The following CSMD1 variants were observed in gnomAD, a reference collection of about 807,000 sequenced individuals.
CSMD1 encodes the protein CUB and Sushi multiple domains 1.
CSMD1 carries 213 observed loss-of-function variants against 417.5 expected under a neutral mutation model. That is an observed-to-expected ratio of 0.51 (90% CI 0.46 to 0.57). CSMD1 has a LOEUF of 0.57. Ranked by LOEUF, CSMD1 falls within the 20% of genes least tolerant of loss-of-function variation. The pLI is 0.00. For synonymous variants in CSMD1, 2,862 were observed against 1,736.8 expected (o/e 1.65, Z -16.11); for missense variants, 6,923 against 4,529.7 (o/e 1.53, Z -15.17).
chr8:3,097,039 TG>T lies in CSMD1; in HGVS notation c.6950-3del, dbSNP rs755283973. The T allele has an allele frequency of 6.6e-7, 1 of 1,522,794 alleles. No homozygotes were observed. The highest frequency in any genetic ancestry group is 1.3e-5 in the South Asian group (1 of 79,434). The allele number at this position is 1,522,794 out of a possible 1,614,324, so 94.3% of individuals were successfully genotyped here. Reference sequence around the variant, plus strand: ...GGACTTCATTTGCTGGGCATTGTGCTGGAGAGAAAAGTACCAGCAAAAGTTT... The same window carrying T: ...GGACTTCATTTGCTGGGCATTGTGCTGAGAGAAAAGTACCAGCAAAAGTTT... On this transcript the variant is annotated splice_region_variant and splice_polypyrimidine_tract_variant and intron_variant, in intron 46 of 69. Transcript: ENST00000635120.
intron 1 of CSMD1, among the ~76,000 whole-genome samples, chr8:4,941,344 G>C (rs1430047536): frequency 6.6e-6 from 1 of 152,014 alleles, no homozygotes; most frequent in Non-Finnish European, 1.5e-5. Context: ...TAAATGTTTT[G>C]AGTACTAAAA....
chr8:3,936,340 C>T (rs1810491869), intron 5 of CSMD1, among the ~76,000 whole-genome samples: 1 of 152,104 alleles, frequency 6.6e-6, no homozygotes, highest in African/African-American at 2.4e-5. Context: ...ACAAAGCAGC[C>T]TTGTATTAGA....
chr8:4,221,888 A>C (rs1417408343), intron 3 of CSMD1, among the ~76,000 whole-genome samples: 1 of 152,202 alleles, frequency 6.6e-6, no homozygotes. Context: ...TTAGCAGAGG[A>C]AATTCACCAG....
At chr8:4,746,319 A>G (rs1810948205) in intron 1 of CSMD1, among the ~76,000 whole-genome samples, 1 of 152,214 alleles carries the variant, frequency 6.6e-6, no homozygotes. Flanking sequence ...CACTCAGAAT[A>G]GCGACTGTAG....
chr8:4,418,263 T>C (rs1004217085), intron 3 of CSMD1, among the ~76,000 whole-genome samples: 4 of 152,156 alleles, frequency 2.6e-5, no homozygotes, highest in Non-Finnish European at 5.9e-5. Flanking sequence ...TTACTCAACT[T>C]ATGGCCCTAT....
In CSMD1 at chr8:3,299,409, G is replaced by A. The variant is rs190147986; in HGVS notation, c.3950+8286C>T. Among the ~76,000 whole-genome samples, 216 of 152,172 alleles carry A rather than the reference G, an allele frequency of 1.4e-3. 1 individual carries two copies. The highest frequency in any genetic ancestry group is 4.5e-3 in the African/African-American group (185 of 41,538). ...GGAGGTTGCAGTGAGCCAAGATCAC[G>A]CTATTGCACTCCAGCCTGGGGGACA... On this transcript the variant is annotated intron_variant, in intron 25 of 69. Coordinates refer to ENST00000635120, the MANE Select transcript of CSMD1 (RefSeq NM_033225.6).
At chr8:3,007,446 A>G (rs1279343553) in intron 52 of CSMD1, among the ~76,000 whole-genome samples, 2 of 151,278 alleles carry the variant, frequency 1.3e-5, no homozygotes, top group African/African-American at 4.9e-5. Flanking sequence ...ACTATAAATC[A>G]TGCTGCTATA....
At chr8:3,937,937 T>C (rs950688401) in intron 5 of CSMD1, among the ~76,000 whole-genome samples, 3 of 152,270 alleles carry the variant, frequency 2.0e-5, no homozygotes, top group Non-Finnish European at 4.4e-5. Context: ...AGTTCTAATG[T>C]TTAGTTACAT....
At chr8:3,003,167 A>T (rs1281303253) in intron 52 of CSMD1, among the ~76,000 whole-genome samples, 1 of 152,214 alleles carries the variant, frequency 6.6e-6, no homozygotes, top group Non-Finnish European at 1.5e-5. Flanking sequence ...CACTCACAGA[A>T]TACTCTTTAA....
At chr8:4,222,770 C>T (rs1187479330) in intron 3 of CSMD1, among the ~76,000 whole-genome samples, 1 of 152,066 alleles carries the variant, frequency 6.6e-6, no homozygotes, top group South Asian at 2.1e-4. Flanking sequence ...TATAGTTTAG[C>T]TCACCGAGTC....
At chr8:3,933,505 G>C (rs796861229) in intron 5 of CSMD1, among the ~76,000 whole-genome samples, 9 of 152,212 alleles carry the variant, frequency 5.9e-5, no homozygotes, top group African/African-American at 2.2e-4. Context: ...TTCTTTAACA[G>C]AGAAGACCAC....
chr8:3,786,335 G>A (rs921465569), intron 5 of CSMD1, among the ~76,000 whole-genome samples: 1 of 152,154 alleles, frequency 6.6e-6, no homozygotes, highest in Non-Finnish European at 1.5e-5. Flanking sequence ...TGGATGGAGG[G>A]TCACTGAGAC....
chr8:4,741,032 A>G (rs992547205), intron 1 of CSMD1, among the ~76,000 whole-genome samples: 1 of 152,224 alleles, frequency 6.6e-6, no homozygotes, highest in African/African-American at 2.4e-5. Context: ...AAGTCCTAGT[A>G]ATTGCTTTAA....
intron 2 of CSMD1, among the ~76,000 whole-genome samples, chr8:4,454,624 C>G (rs567474055): frequency 1.2e-4 from 18 of 152,316 alleles, no homozygotes; most frequent in African/African-American, 4.1e-4. Context: ...CAGAAGGAAG[C>G]TGATAAAGAG....
intron 3 of CSMD1, among the ~76,000 whole-genome samples, chr8:4,216,329 G>T (rs889034760): frequency 1.2e-4 from 18 of 152,078 alleles, no homozygotes; most frequent in Admixed American, 6.6e-5. Context: ...TAACTGCAGG[G>T]ATGCTTTCAG....
intron 3 of CSMD1, among the ~76,000 whole-genome samples, chr8:4,248,345 C>T (rs903654909): frequency 6.6e-6 from 1 of 152,144 alleles, no homozygotes; most frequent in Non-Finnish European, 1.5e-5. Context: ...CCCAGCCAAA[C>T]ACGCTTTTAC....
chr8:4,296,505 A>C (rs1797692424), intron 3 of CSMD1, among the ~76,000 whole-genome samples: 1 of 152,086 alleles, frequency 6.6e-6, no homozygotes, highest in Non-Finnish European at 1.5e-5. Flanking sequence ...TTTCCCAAAG[A>C]GAGGGTTTAT....
intron 44 of CSMD1, 56 bp downstream of exon 44, chr8:3,108,547 C>T: frequency 4.5e-6 from 7 of 1,567,698 alleles, no homozygotes; most frequent in South Asian, 1.1e-5. Flanking sequence ...GACAACACTG[C>T]AGGAAACACC....
At chr8:3,764,459 G>A (rs775778836) in intron 5 of CSMD1, among the ~76,000 whole-genome samples, 1 of 152,204 alleles carries the variant, frequency 6.6e-6, no homozygotes, top group Non-Finnish European at 1.5e-5. Flanking sequence ...AGACATGCGT[G>A]TGAGTGAGTA....
Sources: allele counts gnomAD v4.1 joint callset (sites outside exome capture counted in the v4.1 genomes callset), GRCh38; gene constraint gnomAD v4.1.1; transcripts MANE v1.5; gene names NCBI Gene and HGNC (gene_info 2026-07-23, HGNC 2026-07-21).